Variants in SAMD12 observed in about 807,000 individuals in gnomAD.
The protein encoded by SAMD12 is sterile alpha motif domain-containing protein 12.
A neutral mutation model predicts 15.0 loss-of-function variants in SAMD12; 9 were observed. The observed-to-expected ratio is 0.60, with a 90% CI of 0.36 to 1.05. SAMD12 has a LOEUF of 1.05. SAMD12 is among the 50% of genes least tolerant of loss of function. The pLI, the probability that SAMD12 is intolerant of heterozygous loss-of-function variation, is 0.01. For missense variants in SAMD12, 230 were observed against 234.2 expected (o/e 0.98, Z 0.12); for synonymous variants, 86 against 90.1 (o/e 0.96, Z 0.25).
chr8:118,261,774 A>G (rs977818841), intron 4 of SAMD12, among the ~76,000 whole-genome samples: 5 of 152,098 alleles, frequency 3.3e-5, no homozygotes, highest in African/African-American at 1.2e-4. Context: ...CTTTACAACA[A>G]TACTGCAAGG....
At chr8:118,484,940 G>A (rs1824235508) in intron 2 of SAMD12, among the ~76,000 whole-genome samples, 1 of 152,088 alleles carries the variant, frequency 6.6e-6, no homozygotes, top group South Asian at 2.1e-4. Context: ...AATGATCCTT[G>A]GTCGTATGCA....
At chr8:118,606,208 C>T (rs1004253272) in intron 1 of SAMD12, among the ~76,000 whole-genome samples, 2 of 152,082 alleles carry the variant, frequency 1.3e-5, no homozygotes, top group Non-Finnish European at 2.9e-5. Context: ...GAAACATTCT[C>T]GATCCCTTTT....
At chr8:118,482,366 T>C (rs1824149824) in intron 2 of SAMD12, among the ~76,000 whole-genome samples, 2 of 152,154 alleles carry the variant, frequency 1.3e-5, no homozygotes, top group South Asian at 4.1e-4. Context: ...TTTTACTGAA[T>C]GGCTGCCAAA....
chr8:118,463,052 G>C (rs1823475441), intron 2 of SAMD12, among the ~76,000 whole-genome samples: 1 of 138,430 alleles, frequency 7.2e-6, no homozygotes, highest in South Asian at 2.4e-4. Flanking sequence ...AGTGAGTCGA[G>C]ATCGCGCCAC....
At chr8:118,420,029 A>T (rs566520838) in intron 3 of SAMD12, among the ~76,000 whole-genome samples, 1 of 152,328 alleles carries the variant, frequency 6.6e-6, no homozygotes, top group South Asian at 2.1e-4. Flanking sequence ...ACTTTCAAAG[A>T]AATTACACTG....
chr8:118,541,552 G>A (rs1378404246), intron 2 of SAMD12, among the ~76,000 whole-genome samples: 1 of 152,114 alleles, frequency 6.6e-6, no homozygotes, highest in African/African-American at 2.4e-5. Flanking sequence ...GTAGACAGTA[G>A]GTAAGTGACT....
chr8:118,318,235 G>A (rs917408114), intron 4 of SAMD12, among the ~76,000 whole-genome samples: 43 of 149,050 alleles, frequency 2.9e-4, no homozygotes, highest in African/African-American at 9.4e-4. Context: ...AAAAAGACAC[G>A]TGCACACATA....
chr8:118,355,909 G>A (rs1350946517), intron 4 of SAMD12, among the ~76,000 whole-genome samples: 1 of 152,200 alleles, frequency 6.6e-6, no homozygotes, highest in Non-Finnish European at 1.5e-5. Flanking sequence ...TTTAATGGAA[G>A]TGATACAGCT....
chr8:118,218,754 TA>T (rs1240583643), intron 4 of SAMD12, among the ~76,000 whole-genome samples: 2 of 152,228 alleles, frequency 1.3e-5, no homozygotes, highest in Non-Finnish European at 2.9e-5. Context: ...CACATTTTTT[TA>T]AAATCAATTT....
At chr8:118,165,791 C>T in the SAMD12 span, among the ~76,000 whole-genome samples, 1 of 151,758 alleles carries the variant, frequency 6.6e-6, no homozygotes, top group Non-Finnish European at 1.5e-5. Context: ...CTCTTCAGAT[C>T]TACAATATCT....
In SAMD12 at chr8:118,438,818, A is replaced by G. The variant is rs181150575; in HGVS notation, c.322+1014T>C. 3.5e-3 allele frequency among the ~76,000 whole-genome samples: 540 copies of G among 152,300 alleles called. 2 individuals carry two copies. Among genetic ancestry groups the G allele is most frequent in the Non-Finnish European group, 5.9e-3 (404 of 68,020 alleles). Reference sequence around the variant, plus strand: ...CTATTTCATGACAAGTCACTTTACCACCAGAGTGAAAGCATTTTCTCAGAA... The same window carrying G: ...CTATTTCATGACAAGTCACTTTACCGCCAGAGTGAAAGCATTTTCTCAGAA... On this transcript the variant is annotated intron_variant, in intron 3 of 3. Coordinates refer to ENST00000314727, the MANE Select transcript of SAMD12 (RefSeq NM_207506.3).
intron 2 of SAMD12, among the ~76,000 whole-genome samples, chr8:118,516,179 T>C (rs1563904702): frequency 6.6e-6 from 1 of 152,250 alleles, no homozygotes; most frequent in African/African-American, 2.4e-5. Context: ...TCTTTTATTT[T>C]GCCACTGACT....
chr8:118,149,735 T>G, the SAMD12 span, among the ~76,000 whole-genome samples: 2 of 152,194 alleles, frequency 1.3e-5, no homozygotes, highest in East Asian at 3.8e-4. Flanking sequence ...TGATCCGTTT[T>G]TATTTACTTT....
At chr8:118,390,230 G>A (rs1820197317) in intron 3 of SAMD12, among the ~76,000 whole-genome samples, 1 of 152,064 alleles carries the variant, frequency 6.6e-6, no homozygotes, top group Admixed American at 6.6e-5. Flanking sequence ...GGATGGTCTT[G>A]ATCTCCTGAC....
chr8:118,246,420 G>C (rs933277647), intron 4 of SAMD12, among the ~76,000 whole-genome samples: 4 of 152,134 alleles, frequency 2.6e-5, no homozygotes, highest in African/African-American at 9.7e-5. Flanking sequence ...ACTTGTGCTG[G>C]AACTGTGGAA....
chr8:118,179,687 A>C, the SAMD12 span, among the ~76,000 whole-genome samples: 14 of 152,186 alleles, frequency 9.2e-5, no homozygotes, highest in African/African-American at 3.1e-4. Flanking sequence ...AAGAGGCCTA[A>C]TGCCAACCAA....
At chr8:118,528,195 T>C (rs1470987333) in intron 2 of SAMD12, among the ~76,000 whole-genome samples, 2 of 151,984 alleles carry the variant, frequency 1.3e-5, no homozygotes, top group East Asian at 3.9e-4. Flanking sequence ...ATCAGCTAAT[T>C]TTTTATTTTT....
chr8:118,248,822 A>G (rs1057487294), intron 4 of SAMD12, among the ~76,000 whole-genome samples: 2 of 152,198 alleles, frequency 1.3e-5, no homozygotes, highest in African/African-American at 4.8e-5. Flanking sequence ...GCAGTGTAAG[A>G]TCAATACAGC....
chr8:118,616,909 G>C (rs1458551170), intron 1 of SAMD12, among the ~76,000 whole-genome samples: 1 of 152,206 alleles, frequency 6.6e-6, no homozygotes, highest in Admixed American at 6.5e-5. Context: ...GAGAGATCTA[G>C]GTTGCACATG....
Sources: allele counts gnomAD v4.1 joint callset (sites outside exome capture counted in the v4.1 genomes callset), GRCh38; gene constraint gnomAD v4.1.1; transcripts MANE v1.5; gene names NCBI Gene and HGNC (gene_info 2026-07-23, HGNC 2026-07-21).